ABCB7: variants seen among roughly 807,000 people sequenced by gnomAD.
The protein encoded by ABCB7 is ATP binding cassette subfamily B member 7.
In ABCB7, 7 loss-of-function variants were observed where a neutral mutation model predicts 54.4. That is an observed-to-expected ratio of 0.13 (90% CI 0.07 to 0.24). ABCB7 has a LOEUF of 0.24. ABCB7 is among the 10% of genes least tolerant of loss of function. ABCB7 has a pLI of 1.00. For synonymous variants in ABCB7, 218 were observed against 207.1 expected (o/e 1.05, Z -0.45); for missense variants, 356 against 570.4 (o/e 0.62, Z 3.83).
At chrX:75,075,939 G>A (rs902591697) in intron 5 of ABCB7, among the ~76,000 whole-genome samples, 15 of 110,908 alleles carry the variant, frequency 1.4e-4, no homozygotes, top group South Asian at 3.8e-4. Context: ...GTCTGTTGAG[G>A]TTTTTTTTAT....
At chrX:75,078,163 C>T (rs969359143) in intron 4 of ABCB7, among the ~76,000 whole-genome samples, 4 of 110,131 alleles carry the variant, frequency 3.6e-5, no homozygotes, top group South Asian at 3.9e-4. Context: ...CCGCCCGCCT[C>T]GGCCTCCCAA....
intron 1 of ABCB7, among the ~76,000 whole-genome samples, chrX:75,144,690 T>A (rs1269300287): frequency 3.6e-5 from 4 of 109,655 alleles, no homozygotes; most frequent in African/African-American, 1.3e-4. Context: ...TAATTTTTTT[T>A]AATATAAAAA....
intron 1 of ABCB7, among the ~76,000 whole-genome samples, chrX:75,118,485 G>A (rs1430181731): frequency 9.2e-6 from 1 of 109,002 alleles, no homozygotes; most frequent in African/African-American, 3.3e-5. Context: ...GGACTCCTTA[G>A]GAAAAAAGAG....
chrX:75,150,397 T>C (rs931498486), intron 1 of ABCB7, among the ~76,000 whole-genome samples: 12 of 111,307 alleles, frequency 1.1e-4, no homozygotes, highest in African/African-American at 3.9e-4. Context: ...AACAAAAATA[T>C]CACATTTTGC....
At chrX:75,134,672 T>G (rs775445716) in intron 1 of ABCB7, among the ~76,000 whole-genome samples, 46 of 111,597 alleles carry the variant, frequency 4.1e-4, no homozygotes, top group African/African-American at 1.5e-3. Context: ...GCTAAGAAAA[T>G]CACTCAATAC....
At chrX:75,114,673 A>G in intron 2 of ABCB7, 81 bp downstream of exon 2, 1 of 811,520 alleles carries the variant, frequency 1.2e-6, no homozygotes, top group Non-Finnish European at 1.8e-6. Context: ...GAGATGTAAA[A>G]TATGTAGTAT....
chrX:75,150,794 T>C (rs1451450783), intron 1 of ABCB7, among the ~76,000 whole-genome samples: 3 of 111,819 alleles, frequency 2.7e-5, no homozygotes, highest in Non-Finnish European at 5.6e-5. Context: ...CTGACAACAA[T>C]ACAGCAATAA....
intron 12 of ABCB7, 31 bp from the exon 13 acceptor site, chrX:75,065,272 C>T (rs944333147): frequency 2.8e-6 from 3 of 1,075,781 alleles, no homozygotes. Context: ...GAATATATAT[C>T]TATATCTATA....
intron 3 of ABCB7, among the ~76,000 whole-genome samples, chrX:75,109,914 G>T (rs2081743241): frequency 8.9e-6 from 1 of 111,966 alleles, no homozygotes; most frequent in Non-Finnish European, 1.9e-5. Context: ...AAAAACTAGC[G>T]AGTTCAGTCG....
At chrX:75,115,410 C>CTTTTTTTTTT (rs747398607) in intron 1 of ABCB7, among the ~76,000 whole-genome samples, 11 of 30,172 alleles carry the variant, frequency 3.6e-4, no homozygotes, top group African/African-American at 1.3e-3. Context: ...TGTCTCTTTT[C>CTTTTTTTTTT]TTTTTTTTTT....
At chrX:75,145,495 T>C (rs1481479658) in intron 1 of ABCB7, among the ~76,000 whole-genome samples, 1 of 111,841 alleles carries the variant, frequency 8.9e-6, no homozygotes, top group Admixed American at 9.5e-5. Flanking sequence ...ATTATCTCAA[T>C]AGATACAGAA....
At chrX:75,070,330 C>A (rs765188593) in intron 10 of ABCB7, 35 bp downstream of exon 10, 1 of 1,167,102 alleles carries the variant, frequency 8.6e-7, no homozygotes, top group Non-Finnish European at 1.2e-6. Context: ...ATGATGTTCA[C>A]ATACTTTTGA....
chrX:75,119,744 T>C (rs2081858399), intron 1 of ABCB7, among the ~76,000 whole-genome samples: 1 of 111,580 alleles, frequency 9.0e-6, no homozygotes, highest in South Asian at 3.8e-4. Flanking sequence ...GTAAAACTCC[T>C]ATAAGCCTGC....
chrX:75,067,673 C>A (rs952600507), intron 12 of ABCB7, among the ~76,000 whole-genome samples: 2 of 110,106 alleles, frequency 1.8e-5, no homozygotes, highest in African/African-American at 6.6e-5. Context: ...TTACTAGAGA[C>A]GGGGTTTCAT....
Position 75,075,501 on chromosome X carries a change from C to T in ABCB7, c.716G>A (p.Gly239Asp). Residue 239 changes from glycine to aspartate, a missense_variant, in exon 6 of 16, where the codon GGT (glycine) becomes GAT (aspartate). Gly to Asp is a moderately conservative substitution (Grantham distance 94). Coordinates refer to ENST00000373394, the MANE Select transcript of ABCB7 (RefSeq NM_001271696.3). The part of the protein sequence containing the change: ...VFLHLHNLDL[G>D]FHLSRQTGAL... ...TCCCGTCTGTCTGCTCAGGTGAAAA[C>T]CCAGATCCAGGTTGTGAAGATGGAG... 3.3e-6 allele frequency: 4 copies of T among 1,211,462 alleles called. No homozygotes were observed. The highest frequency in any genetic ancestry group is 4.5e-6 in the Non-Finnish European group (4 of 895,389).
At chrX:75,138,721 G>C (rs1333817359) in intron 1 of ABCB7, among the ~76,000 whole-genome samples, 1 of 111,312 alleles carries the variant, frequency 9.0e-6, no homozygotes, top group African/African-American at 3.3e-5. Context: ...GAATTTTCAG[G>C]GATATGAGGC....
At chrX:75,104,018 G>A (rs1177549480) in intron 3 of ABCB7, among the ~76,000 whole-genome samples, 1 of 78,802 alleles carries the variant, frequency 1.3e-5, no homozygotes, top group African/African-American at 4.4e-5. Context: ...AATACGAGTA[G>A]TGAAAATGGG....
chrX:75,109,967 G>T (rs2081743779), intron 3 of ABCB7, among the ~76,000 whole-genome samples: 1 of 112,121 alleles, frequency 8.9e-6, no homozygotes, highest in African/African-American at 3.2e-5. Flanking sequence ...TTTTTATTGT[G>T]TTGTTGGAGA....
rs773320039 is a variant in ABCB7, at chrX:75,115,044, C to T, written c.169-213G>A. ...TGGCACTTTGGGAGGCTAAGGCGGG[C>T]GGATCACGAGGTCTGGAGATCGAGA... On this transcript the variant is annotated intron_variant, in intron 1 of 15. Coordinates refer to ENST00000373394, the MANE Select transcript of ABCB7 (RefSeq NM_001271696.3). Among the ~76,000 whole-genome samples the T allele has an allele frequency of 4.5e-5, 5 of 109,977 alleles. No individual in the cohort carries two copies. In the East Asian group the frequency reaches 1.1e-3, roughly 25 times the overall value.
Sources: gnomAD v4.1 joint callset for allele counts (sites outside exome capture counted in the v4.1 genomes callset) on GRCh38, gnomAD v4.1.1 for gene constraint, MANE v1.5 for transcripts, NCBI Gene and HGNC (gene_info 2026-07-23, HGNC 2026-07-21) for gene names.